Variants in WDFY4 observed in about 807,000 individuals in gnomAD.
The protein encoded by WDFY4 is WD repeat- and FYVE domain-containing protein 4.
WDFY4 carries 169 observed loss-of-function variants against 351.9 expected under a neutral mutation model. That is an observed-to-expected ratio of 0.48 (90% CI 0.42 to 0.55). The LOEUF (loss-of-function observed/expected upper bound fraction) is 0.55. WDFY4 is among the 20% of genes least tolerant of loss of function. The pLI, the probability that WDFY4 is intolerant of heterozygous loss-of-function variation, is 0.00. For synonymous variants in WDFY4, 1,622 were observed against 1,574.6 expected (o/e 1.03, Z -0.71); for missense variants, 3,803 against 3,935.6 (o/e 0.97, Z 0.90).
intron 17 of WDFY4, among the ~76,000 whole-genome samples, chr10:48,778,050 A>C (rs530461713): frequency 2.4e-4 from 37 of 152,346 alleles, no homozygotes; most frequent in Middle Eastern, 3.4e-3. Flanking sequence ...ACAGCACTGC[A>C]CTTAGCTGAA....
At chr10:48,941,414 G>A (rs976866063) in intron 47 of WDFY4, among the ~76,000 whole-genome samples, 5 of 152,190 alleles carry the variant, frequency 3.3e-5, no homozygotes, top group Admixed American at 6.5e-5. Context: ...GGCCTTCCAC[G>A]TTGTTTGCAT....
intron 11 of WDFY4, among the ~76,000 whole-genome samples, chr10:48,738,927 G>A (rs2064762069): frequency 6.6e-6 from 1 of 152,142 alleles, no homozygotes. Context: ...GCAACTTAGG[G>A]CAGTTATTTC....
Position 48,810,523 on chromosome 10 carries a change from T to C in WDFY4, c.4839-7T>C. The stretch of plus-strand genomic sequence containing the variant: ...AGAGAACATTGGTTGCATTTATTAA[T>C]CCCCAGGTCAAAGGAAGAGATGTTT... On this transcript the variant is annotated splice_polypyrimidine_tract_variant and splice_region_variant and intron_variant, in intron 28 of 61. Coordinates refer to ENST00000325239, the MANE Select transcript of WDFY4 (RefSeq NM_001394531.1). 7 of 1,548,380 alleles carry C rather than the reference T, an allele frequency of 4.5e-6. No homozygotes were observed. The highest frequency in any genetic ancestry group is 6.1e-6 in the Non-Finnish European group (7 of 1,145,894).
Position 48,816,541 on chromosome 10 carries a change from T to C in WDFY4, c.5341-704T>C, listed in dbSNP as rs543277560. ...TTTTCATCTTCAAGAAATTTATTCA[T>C]GGTTTTATTGTAGGCCTAATGAGCA... On this transcript the variant is annotated intron_variant, in intron 31 of 61. Coordinates refer to ENST00000325239, the MANE Select transcript of WDFY4 (RefSeq NM_001394531.1). Among the ~76,000 whole-genome samples, 58 of 152,238 alleles carry C rather than the reference T, an allele frequency of 3.8e-4. 2 individuals carry two copies. The highest frequency in any genetic ancestry group is 2.6e-4 in the Admixed American group (4 of 15,294).
chr10:48,972,123 C>A (rs1177227963), intron 57 of WDFY4, among the ~76,000 whole-genome samples: 1 of 152,146 alleles, frequency 6.6e-6, no homozygotes, highest in East Asian at 1.9e-4. Context: ...ATATGGGAAT[C>A]CCACATGCTC....
At chr10:48,687,134 C>A (rs570894299) in intron 1 of WDFY4, among the ~76,000 whole-genome samples, 2 of 152,152 alleles carry the variant, frequency 1.3e-5, no homozygotes, top group Admixed American at 1.3e-4. Context: ...ACATCTTTTT[C>A]ATATGTTTAT....
chr10:48,979,204 G>T (rs1018595694), intron 60 of WDFY4, among the ~76,000 whole-genome samples: 1 of 152,172 alleles, frequency 6.6e-6, no homozygotes, highest in Non-Finnish European at 1.5e-5. Context: ...CAAGAACTCC[G>T]TCAGTTCACA....
At chr10:48,892,479 G>A (rs1836861347) in intron 44 of WDFY4, among the ~76,000 whole-genome samples, 2 of 152,202 alleles carry the variant, frequency 1.3e-5, no homozygotes, top group South Asian at 4.1e-4. Context: ...TGCCCAGATA[G>A]TTTTAGTCAC....
intron 47 of WDFY4, among the ~76,000 whole-genome samples, chr10:48,924,589 C>G (rs1464802571): frequency 6.6e-6 from 1 of 152,214 alleles, no homozygotes; most frequent in Non-Finnish European, 1.5e-5. Context: ...TAAGAGGTTT[C>G]TAAAGGTACT....
chr10:48,813,865 G>A (rs2067534055), intron 30 of WDFY4, 92 bp from the exon 31 acceptor site: 3 of 1,358,376 alleles, frequency 2.2e-6, no homozygotes, highest in East Asian at 5.5e-5. Flanking sequence ...TTTCCCACTG[G>A]GAACCCCTGG....
intron 39 of WDFY4, among the ~76,000 whole-genome samples, chr10:48,845,594 A>C (rs1045245654): frequency 6.6e-6 from 1 of 152,144 alleles, no homozygotes; most frequent in Non-Finnish European, 1.5e-5. Flanking sequence ...GATGCAAAGG[A>C]TGGACCCTCG....
chr10:48,804,334 A>C (rs188114545), intron 25 of WDFY4, among the ~76,000 whole-genome samples: 7 of 152,330 alleles, frequency 4.6e-5, no homozygotes, highest in Non-Finnish European at 1.0e-4. Flanking sequence ...TTAGAGGTAA[A>C]ATTCAGAGAA....
chr10:48,731,210 G>A lies in WDFY4; in HGVS notation c.1230G>A (p.Arg410=), dbSNP rs1474947658. The change falls in exon 9 of 62, where the codon AGG becomes AGA. Residue 410 remains arginine (R), a synonymous_variant. Transcript: ENST00000325239. Reference sequence around the variant, plus strand: ...GCATACAAGTCTTGTCAGTCATCAGGACCATGTGGGCCTGGAATGCTCGAA... The same window carrying A: ...GCATACAAGTCTTGTCAGTCATCAGAACCATGTGGGCCTGGAATGCTCGAA... ...VLCIQVLSVI[R]TMWAWNARNF... 6.4e-7 allele frequency: 1 copy of A among 1,551,818 alleles called. No homozygotes were observed. The highest frequency in any genetic ancestry group is 8.7e-7 in the Non-Finnish European group (1 of 1,147,014).
At chr10:48,939,269 C>T (rs532682521) in intron 47 of WDFY4, among the ~76,000 whole-genome samples, 2 of 152,338 alleles carry the variant, frequency 1.3e-5, no homozygotes, top group Admixed American at 6.5e-5. Flanking sequence ...ATGTCAACAT[C>T]GCCAGGACCA....
At chr10:48,884,406 T>G (rs937456004) in intron 43 of WDFY4, 1 of 152,202 alleles carries the variant, frequency 6.6e-6, no homozygotes, top group African/African-American at 2.4e-5. Flanking sequence ...GCATTCTTCA[T>G]ATGCAAGGCC....
chr10:48,794,235 G>A (rs79669560), intron 23 of WDFY4, among the ~76,000 whole-genome samples: 6,725 of 152,142 alleles, frequency 0.044, 509 homozygotes, highest in African/African-American at 0.15. Context: ...TGAGGCATGG[G>A]GATGAGGTTC....
At chr10:48,941,895 A>T (rs1210758399) in intron 48 of WDFY4, 47 bp downstream of exon 48, 2 of 1,535,830 alleles carry the variant, frequency 1.3e-6, no homozygotes, top group Admixed American at 3.9e-5. Flanking sequence ...TGCAAACCAG[A>T]GAATGGCTCA....
intron 22 of WDFY4, among the ~76,000 whole-genome samples, chr10:48,790,474 G>A (rs1033146607): frequency 1.3e-5 from 2 of 152,318 alleles, no homozygotes; most frequent in East Asian, 3.9e-4. Context: ...AAGGCAGAGG[G>A]CGGCAATCTG....
intron 15 of WDFY4, 73 bp from the exon 16 acceptor site, chr10:48,776,677 T>TC (rs200522420): frequency 7.5e-7 from 1 of 1,339,172 alleles, no homozygotes; most frequent in Non-Finnish European, 9.9e-7. Flanking sequence ...GCAGATACTT[T>TC]GGGGTTATTG....
Sources: gnomAD v4.1 joint callset for allele counts (sites outside exome capture counted in the v4.1 genomes callset) on GRCh38, gnomAD v4.1.1 for gene constraint, MANE v1.5 for transcripts, NCBI Gene and HGNC (gene_info 2026-07-23, HGNC 2026-07-21) for gene names.